The following ALG13 variants were observed in gnomAD, a reference collection of about 807,000 sequenced individuals.
The protein encoded by ALG13 is UDP-N-acetylglucosamine transferase subunit ALG13.
In ALG13, 11 loss-of-function variants were observed where a neutral mutation model predicts 87.8. The observed-to-expected ratio is 0.13, with a 90% confidence interval of 0.08 to 0.21. ALG13 has a LOEUF of 0.21. Ranked by LOEUF, ALG13 falls within the 10% of genes least tolerant of loss-of-function variation. ALG13 has a pLI of 1.00. For synonymous variants in ALG13, 320 were observed against 306.3 expected (o/e 1.04, Z -0.47); for missense variants, 756 against 866.1 (o/e 0.87, Z 1.60).
intron 21 of ALG13, among the ~76,000 whole-genome samples, chrX:111,732,470 G>A (rs1473685341): frequency 8.9e-6 from 1 of 111,774 alleles, no homozygotes; most frequent in Non-Finnish European, 1.9e-5. Flanking sequence ...GTCACCCAGG[G>A]ACCCAGGCTG....
At chrX:111,749,054 C>T (rs1198174349) in intron 24 of ALG13, among the ~76,000 whole-genome samples, 1 of 111,228 alleles carries the variant, frequency 9.0e-6, no homozygotes, top group African/African-American at 3.3e-5. Flanking sequence ...CACTGCACTC[C>T]AGCCTGGGTG....
chrX:111,756,024 T>C (rs1945217184), intron 25 of ALG13, among the ~76,000 whole-genome samples: 1 of 112,222 alleles, frequency 8.9e-6, no homozygotes, highest in African/African-American at 3.2e-5. Context: ...CACATACCCA[T>C]CAATGATAGA....
chrX:111,712,051 T>C (rs890205447), intron 6 of ALG13, among the ~76,000 whole-genome samples: 1 of 112,139 alleles, frequency 8.9e-6, no homozygotes, highest in African/African-American at 3.2e-5. Flanking sequence ...ATTATTTTGT[T>C]ATTAAACAAT....
chrX:111,744,014 T>C (rs1943994737), intron 23 of ALG13, among the ~76,000 whole-genome samples: 1 of 112,085 alleles, frequency 8.9e-6, no homozygotes, highest in East Asian at 2.8e-4. Context: ...AGAGGATTAA[T>C]ATTTAAATAT....
At chrX:111,694,104 C>T (rs1036384197) in intron 3 of ALG13, among the ~76,000 whole-genome samples, 2 of 109,420 alleles carry the variant, frequency 1.8e-5, no homozygotes, top group African/African-American at 3.3e-5. Context: ...AGTGCAGTGG[C>T]GCGGTCTCTG....
chrX:111,712,778 T>C (rs1407649755), intron 7 of ALG13, among the ~76,000 whole-genome samples: 2 of 112,257 alleles, frequency 1.8e-5, no homozygotes, highest in African/African-American at 3.2e-5. Context: ...AACACAGTTA[T>C]GCTCATTCAC....
At chrX:111,755,110 C>T (rs781137576) in intron 25 of ALG13, among the ~76,000 whole-genome samples, 1 of 111,658 alleles carries the variant, frequency 9.0e-6, no homozygotes, top group Admixed American at 9.5e-5. Context: ...GAACAGAGGA[C>T]TCAGAAATAA....
chrX:111,696,378 T>G (rs1936964813), intron 3 of ALG13, among the ~76,000 whole-genome samples: 1 of 111,880 alleles, frequency 8.9e-6, no homozygotes, highest in Non-Finnish European at 1.9e-5. Context: ...GCAGCCCATC[T>G]ACTTATTTTA....
At chrX:111,723,759 C>T (rs1431817615) in intron 13 of ALG13, 39 bp from the exon 14 acceptor site, 1 of 882,016 alleles carries the variant, frequency 1.1e-6, no homozygotes, top group Non-Finnish European at 1.6e-6. Context: ...TTAGCTGTAT[C>T]TGTCACTAGT....
At chrX:111,681,391 C>T (rs1933103426) in intron 1 of ALG13, 92 bp downstream of exon 1, 2 of 1,183,504 alleles carry the variant, frequency 1.7e-6, no homozygotes, top group Admixed American at 2.3e-5. Flanking sequence ...CTGACCGTCG[C>T]GCTCGGAAAG....
chrX:111,706,277 C>T (rs1938746913), intron 3 of ALG13, among the ~76,000 whole-genome samples: 1 of 112,500 alleles, frequency 8.9e-6, no homozygotes, highest in Admixed American at 9.4e-5. Flanking sequence ...GATCTGCCTG[C>T]CTTGGCCTCC....
chrX:111,745,762 A>C (rs1053000323), intron 24 of ALG13, among the ~76,000 whole-genome samples: 2 of 110,525 alleles, frequency 1.8e-5, no homozygotes, highest in African/African-American at 3.3e-5. Context: ...TTTTCCCCAG[A>C]CCACACAAAA....
Position 111,728,283 on chromosome X carries a change from G to A in ALG13, c.2346G>A (p.Glu782=). The A allele has an allele frequency of 8.3e-7, 1 of 1,211,416 alleles. No individual in the cohort carries two copies. The highest frequency in any genetic ancestry group is 3.0e-5 in the East Asian group (1 of 33,817). ...SSGKQTLNLE[E]GNGQSENGRY... is the part of the protein sequence containing the mutation. ...GCAAACAGACTTTGAATTTAGAGGAGGGCAATGGCCAGAGTGAAAATGGTG... is the reference window on the plus strand; with the variant it reads ...GCAAACAGACTTTGAATTTAGAGGAAGGCAATGGCCAGAGTGAAAATGGTG... The change falls in exon 19 of 27, where the codon GAG becomes GAA. Residue 782 remains glutamate (E), a synonymous_variant. Transcript: ENST00000394780.
At position 111,700,576 on chromosome X, in the gene ALG13, T is replaced by G. The variant is rs562633154; in HGVS notation, c.384-7451T>G. On this transcript the variant is annotated intron_variant, in intron 3 of 26. Transcript: ENST00000394780. The stretch of plus-strand genomic sequence containing the variant: ...ATCTGTTGAGAGGTGTTTTTTTTTG[T>G]TTTTTTTTGTTTTTTTTTGAGATGG... Among the ~76,000 whole-genome samples, 176 of 101,996 alleles carry G rather than the reference T, an allele frequency of 1.7e-3. No homozygotes were observed. In the South Asian group the frequency reaches 0.021, roughly 12 times the overall value. The allele number at this position is 101,996 out of a possible 115,157, so 88.6% of individuals were successfully genotyped here. A position where few individuals can be genotyped will look rare whatever the true frequency, so the allele number is the denominator to read the frequency against.
At chrX:111,696,068 G>C (rs894137415) in intron 3 of ALG13, among the ~76,000 whole-genome samples, 1 of 111,182 alleles carries the variant, frequency 9.0e-6, no homozygotes, top group Non-Finnish European at 1.9e-5. Flanking sequence ...CTTTTCAGTA[G>C]GTTCTGTTAC....
At chrX:111,701,688 A>G (rs768073601) in intron 3 of ALG13, among the ~76,000 whole-genome samples, 6 of 110,892 alleles carry the variant, frequency 5.4e-5, no homozygotes, top group Non-Finnish European at 1.1e-4. Context: ...TCATTTATTT[A>G]TGCTCTGATC....
chrX:111,693,956 A>T (rs1936580763), intron 3 of ALG13, among the ~76,000 whole-genome samples: 1 of 111,914 alleles, frequency 8.9e-6, no homozygotes, highest in Non-Finnish European at 1.9e-5. Context: ...TTTGGTCTTA[A>T]TTCCTAGACT....
chrX:111,736,462 G>A (rs759074149), intron 22 of ALG13, among the ~76,000 whole-genome samples: 2 of 111,386 alleles, frequency 1.8e-5, no homozygotes, highest in Non-Finnish European at 3.8e-5. Flanking sequence ...CATTGTATAC[G>A]ATTTAATACT....
chrX:111,719,261 G>A (rs935853548), intron 10 of ALG13, among the ~76,000 whole-genome samples: 2 of 110,424 alleles, frequency 1.8e-5, no homozygotes, highest in African/African-American at 3.3e-5. Context: ...TCCTGACCTC[G>A]TGATCCATCC....
Sources: gnomAD v4.1 joint callset for allele counts (sites outside exome capture counted in the v4.1 genomes callset) on GRCh38, gnomAD v4.1.1 for gene constraint, MANE v1.5 for transcripts, NCBI Gene and HGNC (gene_info 2026-07-23, HGNC 2026-07-21) for gene names.